Variants in MYOM2 observed in about 807,000 individuals in gnomAD.
The protein encoded by MYOM2 is myomesin-2.
In MYOM2, 254 loss-of-function variants were observed where a neutral mutation model predicts 187.6. That is an observed-to-expected ratio of 1.35 (90% CI 1.22 to 1.50). The LOEUF (loss-of-function observed/expected upper bound fraction) is 1.50, where lower values mean the gene tolerates loss of function less well. MYOM2 is among the 40% of genes most tolerant of loss of function. The pLI, the probability that MYOM2 is intolerant of heterozygous loss-of-function variation, is 0.00. For missense variants in MYOM2, 2,796 were observed against 1,924.0 expected, an observed-to-expected ratio of 1.45 and a Z score of -8.48; for synonymous variants, 981 against 753.8, an observed-to-expected ratio of 1.30 and a Z score of -4.94.
chr8:2,126,190 G>A (rs1253772793), intron 31 of MYOM2, among the ~76,000 whole-genome samples: 1 of 152,198 alleles, frequency 6.6e-6, no homozygotes, highest in Non-Finnish European at 1.5e-5. Context: ...CAGCGGCTGA[G>A]GGGACATGCA....
intron 32 of MYOM2, among the ~76,000 whole-genome samples, chr8:2,136,716 T>C (rs1798088280): frequency 1.3e-5 from 2 of 152,188 alleles, no homozygotes; most frequent in African/African-American, 4.8e-5. Flanking sequence ...TTTACAGCTA[T>C]TTTATGAATG....
In MYOM2 at chr8:2,050,827, C is replaced by G. The variant is rs367948315; in HGVS notation, c.61C>G (p.Arg21Gly). Residue 21 changes from arginine (R) to glycine (G), a missense_variant, in exon 2 of 37, where the codon CGT (arginine) becomes GGT (glycine). Physicochemically the swap from Arg to Gly is moderately radical, Grantham distance 125. Transcript: ENST00000262113. ...ACATAGGCACTTCGACCAGTCCTAC[C>G]GTAATATTCAAACACGGTACCTGCT... ...KRHRHFDQSY[R>G]NIQTRYLLDE... 6.2e-7 allele frequency: 1 copy of G among 1,613,384 alleles called. No individual in the cohort carries two copies. Among genetic ancestry groups the G allele is most frequent in the Non-Finnish European group, 8.5e-7 (1 of 1,179,366 alleles).
chr8:2,133,276 C>T (rs1367596106), intron 32 of MYOM2, among the ~76,000 whole-genome samples: 1 of 152,194 alleles, frequency 6.6e-6, no homozygotes, highest in Non-Finnish European at 1.5e-5. Flanking sequence ...CAAATATTTC[C>T]TAGCTTTTGG....
chr8:2,046,071 T>C (rs954746062), intron 1 of MYOM2, among the ~76,000 whole-genome samples: 1 of 152,250 alleles, frequency 6.6e-6, no homozygotes, highest in Non-Finnish European at 1.5e-5. Context: ...CTTAGCCACT[T>C]GTGGCACAGG....
chr8:2,102,078 C>T (rs1383723800), intron 20 of MYOM2: 3 of 152,342 alleles, frequency 2.0e-5, no homozygotes, highest in South Asian at 2.1e-4. Flanking sequence ...GGGTCCGGCA[C>T]CTGAGCACAG....
intron 20 of MYOM2, 95 bp downstream of exon 20, chr8:2,101,149 C>T: frequency 7.8e-7 from 1 of 1,276,416 alleles, no homozygotes; most frequent in Non-Finnish European, 1.1e-6. Flanking sequence ...AGTTCGAAAC[C>T]AGCCTGGCCA....
chr8:2,113,968 G>A (rs907718451), intron 25 of MYOM2, among the ~76,000 whole-genome samples: 5 of 152,234 alleles, frequency 3.3e-5, no homozygotes, highest in East Asian at 3.9e-4. Context: ...ACAGACAGAC[G>A]GCAGGTGGAT....
At chr8:2,099,050 C>G (rs2294067) in intron 19 of MYOM2, 67 bp downstream of exon 19, 626,797 of 1,503,586 alleles carry the variant, frequency 0.42, 134,489 homozygotes, top group East Asian at 0.59. Flanking sequence ...GCCTCTGTGG[C>G]TGCGACTCTG....
chr8:2,086,535 T>TGGCCCCCCAC (rs1563447545), intron 14 of MYOM2, among the ~76,000 whole-genome samples: 1 of 76,452 alleles, frequency 1.3e-5, no homozygotes, highest in South Asian at 4.4e-4. Flanking sequence ...CACTGTCGTG[T>TGGCCCCCCAC]TTGCTGTGTT....
chr8:2,069,213 C>T, intron 6 of MYOM2, 65 bp from the exon 7 acceptor site: 1 of 1,476,252 alleles, frequency 6.8e-7, no homozygotes, highest in Admixed American at 1.9e-5. Context: ...TGCTTTTGTG[C>T]AATTCGGGTC....
intron 3 of MYOM2, 139 bp from the exon 4 acceptor site, chr8:2,057,209 G>C: frequency 1.1e-6 from 1 of 919,798 alleles, no homozygotes. Flanking sequence ...ATGAGCAGAA[G>C]TAGCATTTCT....
chr8:2,071,751 C>T (rs1273158761), intron 8 of MYOM2, among the ~76,000 whole-genome samples: 3 of 152,196 alleles, frequency 2.0e-5, no homozygotes, highest in Admixed American at 2.0e-4. Flanking sequence ...AACACTTATC[C>T]TCTCTGTTCT....
At chr8:2,131,873 G>C (rs1797885116) in intron 32 of MYOM2, among the ~76,000 whole-genome samples, 1 of 152,060 alleles carries the variant, frequency 6.6e-6, no homozygotes, top group South Asian at 2.1e-4. Flanking sequence ...TCAATCTCCT[G>C]ACCTCGTGAT....
At chr8:2,110,288 A>T (rs1797025710) in intron 25 of MYOM2, among the ~76,000 whole-genome samples, 1 of 152,170 alleles carries the variant, frequency 6.6e-6, no homozygotes, top group Admixed American at 6.5e-5. Context: ...GAACTACTGC[A>T]CTCTAGCCTG....
At chr8:2,119,941 G>T (rs985523732) in intron 28 of MYOM2, among the ~76,000 whole-genome samples, 1 of 151,984 alleles carries the variant, frequency 6.6e-6, no homozygotes, top group African/African-American at 2.4e-5. Flanking sequence ...GCAGCCCGTT[G>T]GTTTCACACT....
Position 2,093,650 on chromosome 8 carries a change from A to G in MYOM2, c.2004-320A>G, listed in dbSNP as rs548435614. Among the ~76,000 whole-genome samples the G allele has an allele frequency of 2.7e-3, 409 of 152,282 alleles. 2 individuals are homozygous for G. The highest frequency in any genetic ancestry group is 4.2e-3 in the Non-Finnish European group (287 of 68,024). ...TTACTGCTAATTAAGTTTTACATAC[A>G]CGGGTTCTTTTAGATAAGAAATGGC... On this transcript the variant is annotated intron_variant, in intron 16 of 36. Transcript: ENST00000262113.
At chr8:2,062,614 A>G (rs1818887861) in intron 6 of MYOM2, among the ~76,000 whole-genome samples, 1 of 152,142 alleles carries the variant, frequency 6.6e-6, no homozygotes, top group South Asian at 2.1e-4. Flanking sequence ...AGTTTTTCAG[A>G]GAGAAACTTT....
At chr8:2,128,667 G>A (rs1475188041) in intron 31 of MYOM2, among the ~76,000 whole-genome samples, 2 of 152,098 alleles carry the variant, frequency 1.3e-5, no homozygotes, top group African/African-American at 2.4e-5. Context: ...TCTGACCCAA[G>A]TTTCATTTGT....
chr8:2,117,799 G>T, intron 27 of MYOM2, 86 bp from the exon 28 acceptor site: 1 of 816,596 alleles, frequency 1.2e-6, no homozygotes, highest in Non-Finnish European at 1.9e-6. Context: ...ATGCATATAT[G>T]TGTGGGTATA....
Sources: allele counts gnomAD v4.1 joint callset (sites outside exome capture counted in the v4.1 genomes callset), GRCh38; gene constraint gnomAD v4.1.1; transcripts MANE v1.5; gene names NCBI Gene and HGNC (gene_info 2026-07-23, HGNC 2026-07-21).